Variants in SUFU observed in about 807,000 individuals in gnomAD.
SUFU encodes the protein suppressor of fused homolog.
SUFU carries 7 observed loss-of-function variants against 58.9 expected under a neutral mutation model. The observed-to-expected ratio is 0.12, with a 90% confidence interval of 0.07 to 0.22. SUFU has a LOEUF of 0.22. SUFU is among the 10% of genes least tolerant of loss of function. SUFU has a pLI of 1.00. For synonymous variants in SUFU, 232 were observed against 254.8 expected (o/e 0.91, Z 0.85); for missense variants, 451 against 641.3 (o/e 0.70, Z 3.20).
chr10:102,610,087 G>A (rs2063606382), intron 8 of SUFU, among the ~76,000 whole-genome samples: 1 of 151,924 alleles, frequency 6.6e-6, no homozygotes, highest in African/African-American at 2.4e-5. Flanking sequence ...TTTTAGAAAT[G>A]CCTACCTGGC....
chr10:102,615,300 C>G lies in SUFU; in HGVS notation c.1055C>G (p.Ser352Cys). 1 of 1,614,200 alleles carries G rather than the reference C, an allele frequency of 6.2e-7. No individual in the cohort carries two copies. The highest frequency in any genetic ancestry group is 8.5e-7 in the Non-Finnish European group (1 of 1,180,040). The stretch of plus-strand genomic sequence containing the variant: ...AAAGACAGCCTGGAAAGTGACAGCT[C>G]CACGGCCATCATTCCCCATGAGCTG... ...SRKDSLESDS[S>C]TAIIPHELIR... The change falls in exon 9 of 12, where the codon TCC (serine) becomes TGC (cysteine). Residue 352 changes from serine to cysteine, a missense_variant. By Grantham distance (112) the Ser-to-Cys change is moderately radical (BLOSUM62 -1). Coordinates refer to ENST00000369902, the MANE Select transcript of SUFU (RefSeq NM_016169.4).
At chr10:102,626,781 G>C (rs1341929798) in intron 10 of SUFU, among the ~76,000 whole-genome samples, 2 of 152,152 alleles carry the variant, frequency 1.3e-5, no homozygotes, top group Non-Finnish European at 2.9e-5. Flanking sequence ...GGGGACACTA[G>C]AGCCTGACTG....
intron 8 of SUFU, among the ~76,000 whole-genome samples, chr10:102,607,676 G>A (rs2063575562): frequency 6.6e-6 from 1 of 152,196 alleles, no homozygotes; most frequent in South Asian, 2.1e-4. Context: ...CACTTTGAGA[G>A]GCCAAGGCGT....
rs2063675292 is a variant in SUFU at position 102,615,385 on chromosome 10, C to T, written c.1140C>T (p.Leu380=). ...AATTCAACCAGGAGTCCGGAGCCCTCATTCCTCTCTGCCTAAGGTGAGCGA... is the reference window on the plus strand; with the variant it reads ...AATTCAACCAGGAGTCCGGAGCCCTTATTCCTCTCTGCCTAAGGTGAGCGA... The part of the protein sequence containing the change: ...HLKFNQESGA[L]IPLCLRGRLL... Residue 380 remains leucine, a synonymous_variant, in exon 9 of 12, where the codon CTC becomes CTT. Coordinates refer to ENST00000369902, the MANE Select transcript of SUFU (RefSeq NM_016169.4). 1 of 1,613,978 alleles carries T rather than the reference C, an allele frequency of 6.2e-7. No individual in the cohort carries two copies. Among genetic ancestry groups the T allele is most frequent in the South Asian group, 1.1e-5 (1 of 91,080 alleles).
rs1301220399 is a variant in SUFU, at chr10:102,629,993, G to A, written c.1366-73G>A. The A allele has an allele frequency of 4.3e-6, 6 of 1,398,908 alleles. 1 individual carries two copies. In the East Asian group the frequency reaches 1.1e-4, roughly 27 times the overall value. 86.7% of individuals were successfully genotyped at this position (1,398,908 alleles called of 1,614,324 possible). On this transcript the variant is annotated intron_variant, in intron 11 of 11. Coordinates refer to ENST00000369902, the MANE Select transcript of SUFU (RefSeq NM_016169.4). The surrounding 1 kb of genome is among the most constrained non-coding windows in gnomAD (Gnocchi z 4.7). ...CCTAGCTCCCCGGGGACAGGCCTGG[G>A]CAATCTCTGGAAAGACCACGGTGTA...
chr10:102,504,427 G>A, intron 1 of SUFU, 93 bp downstream of exon 1: 1 of 1,562,572 alleles, frequency 6.4e-7, no homozygotes, highest in Non-Finnish European at 8.7e-7. Flanking sequence ...GGGAGGAGGG[G>A]TAGAGAATGG....
chr10:102,547,008 G>A (rs2062862372), intron 2 of SUFU, among the ~76,000 whole-genome samples: 3 of 152,258 alleles, frequency 2.0e-5, no homozygotes, highest in Admixed American at 2.0e-4. Flanking sequence ...ATCTGATCCA[G>A]TGATTTCTTT....
chr10:102,580,029 A>ACC (rs71474507), intron 3 of SUFU, among the ~76,000 whole-genome samples: 9,167 of 82,072 alleles, frequency 0.11, 475 homozygotes, highest in Middle Eastern at 0.22. Context: ...CCTCCCCCGC[A>ACC]CCCCCCCCCC....
Position 102,504,027 on chromosome 10 carries a change from C to G in SUFU, c.-126C>G, listed in dbSNP as rs1279453526. ...CAGTGCGCCGTGCGCAGGCGCGGAG[C>G]TAGACCTCGCTGCAGCCCCCATCGC... On this transcript the variant is annotated 5_prime_UTR_variant, in exon 1 of 12. Transcript: ENST00000369902. 4.5e-6 allele frequency: 6 copies of G among 1,318,692 alleles called. No homozygotes were observed. In the African/African-American group the frequency reaches 4.6e-5, roughly 10 times the overall value. The allele number at this position is 1,318,692 out of a possible 1,614,324, so 81.7% of individuals were successfully genotyped here.
At chr10:102,510,611 C>A (rs2135625297) in intron 2 of SUFU, among the ~76,000 whole-genome samples, 1 of 150,386 alleles carries the variant, frequency 6.6e-6, no homozygotes, top group South Asian at 2.1e-4. Context: ...CACTTGAGGT[C>A]AGGAGTTCGA....
chr10:102,574,782 C>T (rs185130550), intron 3 of SUFU, among the ~76,000 whole-genome samples: 4 of 152,100 alleles, frequency 2.6e-5, no homozygotes, highest in Admixed American at 6.6e-5. Flanking sequence ...TGAAACAGGC[C>T]GGGCACAGTG....
At chr10:102,509,450 G>A in intron 2 of SUFU, 147 bp downstream of exon 2, 2 of 1,180,702 alleles carry the variant, frequency 1.7e-6, no homozygotes, top group Non-Finnish European at 2.5e-6. Context: ...CTCATGCCAA[G>A]GTGGTCCTCG....
At chr10:102,519,826 C>T (rs1416253458) in intron 2 of SUFU, among the ~76,000 whole-genome samples, 2 of 151,966 alleles carry the variant, frequency 1.3e-5, no homozygotes, top group Non-Finnish European at 2.9e-5. Flanking sequence ...GGCTGGAATG[C>T]GGTGGCATGA....
At chr10:102,510,630 C>T (rs1024386269) in intron 2 of SUFU, among the ~76,000 whole-genome samples, 6 of 149,976 alleles carry the variant, frequency 4.0e-5, no homozygotes, top group Admixed American at 6.6e-5. Flanking sequence ...GAGACCAGCC[C>T]GGCCAACATG....
At chr10:102,586,055 T>A (rs1304769023) in intron 3 of SUFU, among the ~76,000 whole-genome samples, 1 of 151,826 alleles carries the variant, frequency 6.6e-6, no homozygotes, top group East Asian at 2.0e-4. Context: ...TGGCTAATAT[T>A]TGTATTTTTA....
chr10:102,618,931 CGT>C (rs59259635), intron 10 of SUFU: 66,418 of 568,418 alleles, frequency 0.12, 1,048 homozygotes, highest in Non-Finnish European at 0.13. Flanking sequence ...CCTCAGGTAG[CGT>C]GTGTGTGTGT....
At chr10:102,607,348 CAAT>C (rs2063572074) in intron 8 of SUFU, among the ~76,000 whole-genome samples, 2 of 152,046 alleles carry the variant, frequency 1.3e-5, no homozygotes, top group Admixed American at 1.3e-4. Flanking sequence ...CACGCCCAGC[CAAT>C]AATAGTAATT....
intron 3 of SUFU, among the ~76,000 whole-genome samples, chr10:102,565,607 C>T (rs746628510): frequency 4.5e-4 from 68 of 152,318 alleles, no homozygotes; most frequent in Middle Eastern, 3.4e-3. Context: ...TGCAGTGGCG[C>T]GATCTCGGCT....
intron 8 of SUFU, among the ~76,000 whole-genome samples, chr10:102,600,539 A>G (rs2063505826): frequency 6.6e-6 from 1 of 152,166 alleles, no homozygotes; most frequent in African/African-American, 2.4e-5. Context: ...TTCTAGCTCT[A>G]GTTGCTGATC....
Sources: allele counts gnomAD v4.1 joint callset (sites outside exome capture counted in the v4.1 genomes callset), GRCh38; gene constraint gnomAD v4.1.1; non-coding constraint Gnocchi (gnomAD v3.1); transcripts MANE v1.5; gene names NCBI Gene and HGNC (gene_info 2026-07-23, HGNC 2026-07-21).